The following PCDHA7 variants were observed in gnomAD, a reference collection of about 807,000 sequenced individuals.
The protein encoded by PCDHA7 is protocadherin alpha-7.
A neutral mutation model predicts 57.2 loss-of-function variants in PCDHA7; 37 were observed. The ratio of observed to expected loss-of-function variants is 0.65; its 90% CI spans 0.50 to 0.85. The LOEUF is 0.85. PCDHA7 is among the 40% of genes least tolerant of loss of function. PCDHA7 has a pLI of 0.00. For synonymous variants in PCDHA7, 553 were observed against 558.8 expected, an observed-to-expected ratio of 0.99 and a Z score of 0.15; for missense variants, 1,188 against 1,241.8, an observed-to-expected ratio of 0.96 and a Z score of 0.65.
intron 1 of PCDHA7, among the ~76,000 whole-genome samples, chr5:140,891,452 T>C (rs1554184844): frequency 6.7e-6 from 1 of 150,254 alleles, no homozygotes; most frequent in African/African-American, 2.4e-5. Flanking sequence ...ATAGGATTTT[T>C]GAATTTGTGA....
intron 1 of PCDHA7, among the ~76,000 whole-genome samples, chr5:140,916,064 T>G (rs1282899200): frequency 1.3e-5 from 2 of 152,156 alleles, no homozygotes; most frequent in African/African-American, 4.8e-5. Flanking sequence ...CCTCTCCCTG[T>G]GGCCAGTACT....
At chr5:140,882,718 T>A (rs782288800) in intron 1 of PCDHA7, 9 of 1,614,054 alleles carry the variant, frequency 5.6e-6, no homozygotes, top group Middle Eastern at 1.6e-4. Flanking sequence ...CTCCGGAAAC[T>A]CGATTTCCAC....
At chr5:140,884,499 C>A (rs782667822) in intron 1 of PCDHA7, 2 of 1,614,062 alleles carry the variant, frequency 1.2e-6, no homozygotes, top group Non-Finnish European at 8.5e-7. Flanking sequence ...TGCTCCAGCG[C>A]GGCAGGGAGT....
At chr5:140,850,363 G>T (rs1287210610) in intron 1 of PCDHA7, 3 of 1,597,818 alleles carry the variant, frequency 1.9e-6, no homozygotes, top group African/African-American at 1.3e-5. Flanking sequence ...ATCCCGTTCC[G>T]CGTGGGGCTG....
At chr5:140,837,994 CT>C (rs2150281652) in intron 1 of PCDHA7, among the ~76,000 whole-genome samples, 1 of 150,612 alleles carries the variant, frequency 6.6e-6, no homozygotes, top group Non-Finnish European at 1.5e-5. Flanking sequence ...TTCATCTTTC[CT>C]TTTTTTTAAA....
At chr5:140,880,693 T>C (rs2058435381) in intron 1 of PCDHA7, among the ~76,000 whole-genome samples, 1 of 152,222 alleles carries the variant, frequency 6.6e-6, no homozygotes. Context: ...TAGTCATGGT[T>C]AAGTGACAAT....
At position 140,859,256 on chromosome 5, in the gene PCDHA7, G is replaced by T. The variant is rs182882850; in HGVS notation, c.2355+22518G>T. ...TCATGCTTATGTTTAATAATGAAGA[G>T]AATTTGAACACTTTTTACTTTTGAG... is the stretch of plus-strand genomic sequence containing the variant. On this transcript the variant is annotated intron_variant, in intron 1 of 3. Coordinates refer to ENST00000525929, the MANE Select transcript of PCDHA7 (RefSeq NM_018910.3). The T allele has an allele frequency of 2.0e-4, 26 of 131,456 alleles. 1 individual carries two copies. The East Asian group carries it at 5.2e-3, about 26-fold the overall frequency. The allele number at this position is 131,456 out of a possible 1,614,324, so 8.1% of individuals were successfully genotyped here.
At chr5:140,940,271 T>C (rs1371680526) in intron 1 of PCDHA7, among the ~76,000 whole-genome samples, 1 of 152,228 alleles carries the variant, frequency 6.6e-6, no homozygotes, top group East Asian at 1.9e-4. Context: ...GGTTCCACTG[T>C]TGTCTCATTG....
intron 1 of PCDHA7, chr5:140,882,313 G>A (rs2059060330): frequency 1.2e-6 from 2 of 1,614,128 alleles, no homozygotes; most frequent in Non-Finnish European, 1.7e-6. Flanking sequence ...GGCAACTACT[G>A]CTCTGGCTTC....
At chr5:140,896,541 T>C (rs2065612579) in intron 1 of PCDHA7, among the ~76,000 whole-genome samples, 1 of 151,728 alleles carries the variant, frequency 6.6e-6, no homozygotes, top group South Asian at 2.1e-4. Flanking sequence ...TTTTTCTTTT[T>C]TTTTTTTGTA....
rs1254139233 is a variant in PCDHA7 at position 140,846,802 on chromosome 5, C to T, written c.2355+10064C>T. On this transcript the variant is annotated intron_variant, in intron 1 of 3. Transcript: ENST00000525929. Reference sequence around the variant, plus strand: ...ATTATTACTGAGCCCCAGCCCCTGGCTTTAAAATTTGAGGTCAAATAAAGA... The same window carrying T: ...ATTATTACTGAGCCCCAGCCCCTGGTTTTAAAATTTGAGGTCAAATAAAGA... Among the ~76,000 whole-genome samples the T allele has an allele frequency of 4.7e-5, 7 of 149,432 alleles. 1 individual carries two copies. The highest frequency in any genetic ancestry group is 1.7e-4 in the African/African-American group (7 of 40,714).
chr5:140,883,394 G>T, intron 1 of PCDHA7: 2 of 1,614,124 alleles, frequency 1.2e-6, no homozygotes, highest in South Asian at 2.2e-5. Context: ...CAGTGTGTCC[G>T]ATCGTGACTC....
chr5:140,871,329 C>T (rs1164407502), intron 1 of PCDHA7: 3 of 1,614,060 alleles, frequency 1.9e-6, no homozygotes, highest in African/African-American at 2.7e-5. Flanking sequence ...TGTGCTCCCG[C>T]GCGGTGGGGA....
intron 1 of PCDHA7, chr5:140,875,968 T>C (rs1554168125): frequency 2.5e-6 from 4 of 1,614,024 alleles, no homozygotes; most frequent in Non-Finnish European, 3.4e-6. Flanking sequence ...CGGCGTAAAC[T>C]CTCTTTTGAC....
At chr5:140,927,104 C>CA in intron 1 of PCDHA7, 1 of 1,613,722 alleles carries the variant, frequency 6.2e-7, no homozygotes, top group Non-Finnish European at 8.5e-7. Flanking sequence ...GTGGATCTAC[C>CA]CAGCGGCAAT....
rs185216314 is a variant in PCDHA7, at chr5:140,968,202, A to G, written c.2356-10747A>G. On this transcript the variant is annotated intron_variant, in intron 1 of 3. Transcript: ENST00000525929. ...GAGGACTCCTATTCCATCTACATACAGGAGAACAATTTGCCAGGTGTGTTG... is the reference window on the plus strand; with the variant it reads ...GAGGACTCCTATTCCATCTACATACGGGAGAACAATTTGCCAGGTGTGTTG... The G allele has an allele frequency of 3.7e-5, 60 of 1,614,044 alleles. 1 individual carries two copies. The East Asian group carries it at 1.1e-3, about 29-fold the overall frequency.
chr5:140,941,341 G>A (rs1413393487), intron 1 of PCDHA7, among the ~76,000 whole-genome samples: 1 of 119,412 alleles, frequency 8.4e-6, no homozygotes, highest in African/African-American at 3.2e-5. Flanking sequence ...TTTTCAGATG[G>A]AGTCTTGCTC....
intron 1 of PCDHA7, chr5:140,851,907 T>A: frequency 3.1e-6 from 3 of 970,432 alleles, no homozygotes; most frequent in Non-Finnish European, 2.5e-6. Flanking sequence ...CTCTTTAATG[T>A]CACTACATGT....
chr5:140,836,830 G>T, intron 1 of PCDHA7, 92 bp downstream of exon 1: 1 of 945,180 alleles, frequency 1.1e-6, no homozygotes, highest in South Asian at 1.8e-5. Context: ...TTTTTTAGTT[G>T]ATAGCTTTAT....
Sources: allele counts gnomAD v4.1 joint callset (sites outside exome capture counted in the v4.1 genomes callset), GRCh38; gene constraint gnomAD v4.1.1; transcripts MANE v1.5; gene names NCBI Gene and HGNC (gene_info 2026-07-23, HGNC 2026-07-21).